RARS2: variants seen among roughly 807,000 people sequenced by gnomAD.
The protein encoded by RARS2 is arginyl-tRNA synthetase 2, mitochondrial, also known as probable arginine--tRNA ligase, mitochondrial.
Under a neutral mutation model 88.5 loss-of-function variants are expected in RARS2, and 67 were observed. That is an observed-to-expected ratio of 0.76 (90% CI 0.62 to 0.93). The LOEUF is 0.93. RARS2 is among the 40% of genes least tolerant of loss of function. The probability of loss-of-function intolerance (pLI) is 0.00; values close to 1 mark genes in which losing one functional copy is unlikely to be tolerated. For synonymous variants in RARS2, 239 were observed against 230.3 expected (o/e 1.04, Z -0.34); for missense variants, 664 against 684.2 (o/e 0.97, Z 0.33).
intron 8 of RARS2, among the ~76,000 whole-genome samples, chr6:87,537,126 A>T (rs1360164388): frequency 6.6e-6 from 1 of 152,276 alleles, no homozygotes; most frequent in Non-Finnish European, 1.5e-5. Context: ...GAGAATACTG[A>T]TCATAGTTCA....
intron 11 of RARS2, among the ~76,000 whole-genome samples, chr6:87,523,467 G>A (rs535369540): frequency 6.6e-6 from 1 of 152,108 alleles, no homozygotes; most frequent in East Asian, 1.9e-4. Flanking sequence ...AAAGCAAAGT[G>A]AAAAAATCAA....
At chr6:87,566,190 C>G (rs1767802343) in intron 2 of RARS2, among the ~76,000 whole-genome samples, 1 of 152,114 alleles carries the variant, frequency 6.6e-6, no homozygotes, top group Non-Finnish European at 1.5e-5. Context: ...ATCTAAATGT[C>G]TAGCAACAAG....
intron 2 of RARS2, among the ~76,000 whole-genome samples, chr6:87,567,773 A>C (rs1259187449): frequency 1.3e-5 from 2 of 151,990 alleles, no homozygotes; most frequent in Non-Finnish European, 2.9e-5. Flanking sequence ...TATTTAATTT[A>C]TTTATTTACT....
chr6:87,518,086 G>A (rs991614989), intron 17 of RARS2, 83 bp downstream of exon 17: 2 of 1,612,048 alleles, frequency 1.2e-6, no homozygotes, highest in South Asian at 2.2e-5. Flanking sequence ...CTACTGGACT[G>A]TTGACTCTAC....
intron 1 of RARS2, among the ~76,000 whole-genome samples, chr6:87,572,929 T>C (rs1770244625): frequency 2.6e-5 from 4 of 151,802 alleles, no homozygotes; most frequent in Non-Finnish European, 5.9e-5. Context: ...TAAACATATA[T>C]ATATACATAC....
At chr6:87,556,790 C>CAA (rs71018038) in intron 4 of RARS2, among the ~76,000 whole-genome samples, 27,784 of 76,462 alleles carry the variant, frequency 0.36, 5,137 homozygotes, top group Admixed American at 0.44. Flanking sequence ...GACTCTGTCT[C>CAA]AAAAAAAAAA....
intron 8 of RARS2, among the ~76,000 whole-genome samples, chr6:87,532,405 ACTT>A (rs1777812768): frequency 6.6e-6 from 1 of 152,220 alleles, no homozygotes; most frequent in Admixed American, 6.5e-5. Flanking sequence ...CTTAGGCTGA[ACTT>A]CTGCTTTCCT....
At chr6:87,518,576 C>G in intron 16 of RARS2, 54 bp downstream of exon 16, 1 of 1,527,544 alleles carries the variant, frequency 6.5e-7, no homozygotes. Flanking sequence ...AATCACAGGA[C>G]CTAGCCTAAG....
chr6:87,562,649 G>T, intron 4 of RARS2, 53 bp downstream of exon 4: 1 of 1,356,958 alleles, frequency 7.4e-7, no homozygotes. Flanking sequence ...AGACCACTGT[G>T]GCTGAAGCAG....
At chr6:87,568,279 C>T (rs920712742) in intron 2 of RARS2, among the ~76,000 whole-genome samples, 1 of 152,172 alleles carries the variant, frequency 6.6e-6, no homozygotes, top group Non-Finnish European at 1.5e-5. Flanking sequence ...AAGGGGACTG[C>T]CTGAGCTCAG....
chr6:87,585,490 G>A (rs1194215573), intron 1 of RARS2, among the ~76,000 whole-genome samples: 1 of 152,134 alleles, frequency 6.6e-6, no homozygotes, highest in Non-Finnish European at 1.5e-5. Flanking sequence ...CGGCACTTTG[G>A]GAGGCTGAGA....
chr6:87,541,867 A>G (rs1274512574), intron 8 of RARS2, 51 bp downstream of exon 8: 6 of 1,327,854 alleles, frequency 4.5e-6, no homozygotes, highest in Non-Finnish European at 6.5e-6. Context: ...ACATGTTACT[A>G]AGCTACATAG....
intron 8 of RARS2, among the ~76,000 whole-genome samples, chr6:87,531,979 T>A (rs761375424): frequency 2.6e-5 from 4 of 152,150 alleles, no homozygotes; most frequent in African/African-American, 4.8e-5. Context: ...ATAAGGCTTC[T>A]AAACCCTTAC....
chr6:87,525,917 T>C (rs1775540609), intron 10 of RARS2, among the ~76,000 whole-genome samples: 1 of 152,064 alleles, frequency 6.6e-6, no homozygotes, highest in South Asian at 2.1e-4. Context: ...ATCCCATTTA[T>C]AATAACATCA....
At chr6:87,529,449 C>T in intron 10 of RARS2, 93 bp downstream of exon 10, 1 of 845,420 alleles carries the variant, frequency 1.2e-6, no homozygotes, top group Non-Finnish European at 2.0e-6. Flanking sequence ...AAGAAAGCTG[C>T]ACATTGCATT....
At chr6:87,552,648 GT>G (rs1373569749) in intron 5 of RARS2, among the ~76,000 whole-genome samples, 1 of 152,122 alleles carries the variant, frequency 6.6e-6, no homozygotes, top group Non-Finnish European at 1.5e-5. Flanking sequence ...AAAAGGAGCA[GT>G]ATATGGGAAA....
chr6:87,525,394 C>CT (rs938996796), intron 10 of RARS2, among the ~76,000 whole-genome samples: 28 of 151,170 alleles, frequency 1.9e-4, no homozygotes, highest in African/African-American at 4.6e-4. Flanking sequence ...GCAACATAAT[C>CT]TTTTTTTTTC....
chr6:87,574,353 T>TAG (rs897480771), intron 1 of RARS2, among the ~76,000 whole-genome samples: 1 of 152,110 alleles, frequency 6.6e-6, no homozygotes. Context: ...CATGACCTAC[T>TAG]AGAGAGAGAG....
intron 1 of RARS2, among the ~76,000 whole-genome samples, chr6:87,578,114 C>CA (rs369222753): frequency 6.7e-6 from 1 of 148,866 alleles, no homozygotes. Context: ...GAGACCCCCC[C>CA]CCCCGCCATC....
Sources: gnomAD v4.1 joint callset for allele counts (sites outside exome capture counted in the v4.1 genomes callset) on GRCh38, gnomAD v4.1.1 for gene constraint, MANE v1.5 for transcripts, NCBI Gene and HGNC (gene_info 2026-07-23, HGNC 2026-07-21) for gene names.